Variants in TLL1 observed in about 807,000 individuals in gnomAD.
The protein encoded by TLL1 is tolloid like 1.
TLL1 carries 49 observed loss-of-function variants against 128.2 expected under a neutral mutation model. That is an observed-to-expected ratio of 0.38 (90% confidence interval 0.30 to 0.48). TLL1 has a LOEUF of 0.48. TLL1 is among the 20% of genes least tolerant of loss of function. TLL1 has a pLI of 0.96. For synonymous variants in TLL1, 454 were observed against 418.8 expected, an observed-to-expected ratio of 1.08 and a Z score of -1.03; for missense variants, 1,123 against 1,242.0, an observed-to-expected ratio of 0.90 and a Z score of 1.44.
chr4:165,964,348 A>T (rs1735265370), intron 1 of TLL1, among the ~76,000 whole-genome samples: 1 of 152,240 alleles, frequency 6.6e-6, no homozygotes, highest in Non-Finnish European at 1.5e-5. Context: ...AGTTATGAGG[A>T]TAATTATGCA....
chr4:165,978,330 AAATT>A (rs1460547911), intron 1 of TLL1, among the ~76,000 whole-genome samples: 10 of 151,888 alleles, frequency 6.6e-5, no homozygotes, highest in African/African-American at 2.4e-4. Flanking sequence ...CTTAGTTATA[AAATT>A]AATTATAATT....
chr4:165,979,600 G>T (rs1736055807), intron 1 of TLL1, among the ~76,000 whole-genome samples: 1 of 151,982 alleles, frequency 6.6e-6, no homozygotes, highest in African/African-American at 2.4e-5. Context: ...CATAGATAAG[G>T]TAAGAACTAT....
At chr4:166,089,565 A>T (rs934994244) in intron 18 of TLL1, among the ~76,000 whole-genome samples, 1 of 152,114 alleles carries the variant, frequency 6.6e-6, no homozygotes, top group African/African-American at 2.4e-5. Flanking sequence ...CCTGCTTTGC[A>T]TGTTGTGCTT....
rs565768165 is a variant in TLL1, at chr4:166,052,824, A to G, written c.1525-2252A>G. Among the ~76,000 whole-genome samples the G allele has an allele frequency of 1.2e-3, 180 of 151,806 alleles. 1 individual carries two copies. The highest frequency in any genetic ancestry group is 0.01 in the Middle Eastern group (3 of 294). ...GTCATTTATTCTGTTATCAAACTCT[A>G]TAACTTGAAATCTGAGATATTATTT... On this transcript the variant is annotated intron_variant, in intron 12 of 20. Transcript: ENST00000061240.
intron 8 of TLL1, among the ~76,000 whole-genome samples, chr4:166,015,718 C>T (rs1737906504): frequency 6.6e-6 from 1 of 151,790 alleles, no homozygotes. Context: ...TGGAAACTTC[C>T]CAGGAAGTTC....
At chr4:165,928,667 A>C (rs1472975248) in intron 1 of TLL1, among the ~76,000 whole-genome samples, 2 of 152,188 alleles carry the variant, frequency 1.3e-5, no homozygotes. Flanking sequence ...AAACAATCTA[A>C]AACCAGGAAA....
chr4:165,889,998 T>G (rs1254296583), intron 1 of TLL1, among the ~76,000 whole-genome samples: 1 of 152,156 alleles, frequency 6.6e-6, no homozygotes, highest in Admixed American at 6.5e-5. Flanking sequence ...TCATTCAGTA[T>G]GGCTGGGGAG....
intron 1 of TLL1, among the ~76,000 whole-genome samples, chr4:165,973,588 C>T (rs1735729630): frequency 6.6e-6 from 1 of 151,248 alleles, no homozygotes. Context: ...AAGGGCAGAT[C>T]TTGAGGGGTG....
At chr4:166,062,612 T>C (rs1740374768) in intron 15 of TLL1, among the ~76,000 whole-genome samples, 1 of 152,188 alleles carries the variant, frequency 6.6e-6, no homozygotes, top group African/African-American at 2.4e-5. Context: ...CTTATGGAGA[T>C]TTTGGGCAGA....
intron 14 of TLL1, among the ~76,000 whole-genome samples, chr4:166,059,460 T>C (rs1740187904): frequency 6.6e-6 from 1 of 152,120 alleles, no homozygotes; most frequent in Admixed American, 6.6e-5. Context: ...ATTGGACTTT[T>C]TGGAATAACA....
intron 18 of TLL1, among the ~76,000 whole-genome samples, chr4:166,079,948 CT>C (rs1302938077): frequency 6.6e-6 from 1 of 152,104 alleles, no homozygotes; most frequent in Non-Finnish European, 1.5e-5. Flanking sequence ...CAAAAGCATT[CT>C]TTATCTCTAT....
chr4:165,954,316 T>A (rs1734672942), intron 1 of TLL1, among the ~76,000 whole-genome samples: 1 of 152,034 alleles, frequency 6.6e-6, no homozygotes, highest in African/African-American at 2.4e-5. Flanking sequence ...ATAAATACAC[T>A]TAGAAGGAAT....
intron 6 of TLL1, 42 bp downstream of exon 6, chr4:166,003,611 A>G (rs749519610): frequency 5.0e-6 from 8 of 1,592,078 alleles, no homozygotes; most frequent in Non-Finnish European, 3.4e-6. Context: ...CTGACTGGGT[A>G]TCTTTGAATT....
intron 1 of TLL1, among the ~76,000 whole-genome samples, chr4:165,896,334 G>C (rs1214125482): frequency 6.6e-6 from 1 of 152,056 alleles, no homozygotes; most frequent in Non-Finnish European, 1.5e-5. Context: ...GTTGATCATT[G>C]ATGGGCATTT....
At chr4:166,100,605 T>TAC in intron 20 of TLL1, 137 bp from the exon 21 acceptor site, 1 of 1,160,132 alleles carries the variant, frequency 8.6e-7, no homozygotes, top group Non-Finnish European at 1.3e-6. Context: ...AGAAGTTGAT[T>TAC]ACACCTACTC....
intron 8 of TLL1, among the ~76,000 whole-genome samples, chr4:166,016,100 G>C (rs1737930303): frequency 6.6e-6 from 1 of 151,806 alleles, no homozygotes; most frequent in South Asian, 2.1e-4. Context: ...ACTTCATGCT[G>C]TTTACTGAAG....
At position 166,099,450 on chromosome 4, in the gene TLL1, T is replaced by C. The variant is rs566963299; in HGVS notation, c.2830T>C (p.Cys944Arg). The change falls in exon 20 of 21, where the codon TGT becomes CGT. Residue 944 changes from cysteine (C) to arginine (R), a missense_variant. Cys to Arg is a radical substitution (Grantham distance 180). Around this residue, in one of 3 missense-constraint regions of TLL1, gnomAD observed 634 missense variants for 672.4 expected, o/e 0.94. Transcript: ENST00000061240. ...ATTTGAAGTGGAGGAAGAAGCAGAC[T>C]GTGGCTATGACTATGTGGAGCTCTT... is the stretch of plus-strand genomic sequence containing the variant. ...QTFEVEEEAD[C>R]GYDYVELFDG... 3 of 1,613,512 alleles carry C rather than the reference T, an allele frequency of 1.9e-6. No individual in the cohort carries two copies. The highest frequency in any genetic ancestry group is 2.7e-5 in the African/African-American group (2 of 74,984).
At chr4:165,902,888 G>T (rs550759916) in intron 1 of TLL1, among the ~76,000 whole-genome samples, 1 of 152,262 alleles carries the variant, frequency 6.6e-6, no homozygotes, top group African/African-American at 2.4e-5. Context: ...TCTAAAACTT[G>T]TTTAAGAAAA....
chr4:166,060,283 G>C, intron 15 of TLL1, 95 bp downstream of exon 15: 1 of 1,321,572 alleles, frequency 7.6e-7, no homozygotes, highest in South Asian at 1.3e-5. Flanking sequence ...TAGTAAAATA[G>C]TATAGACATT....
Sources: allele counts gnomAD v4.1 joint callset (sites outside exome capture counted in the v4.1 genomes callset), GRCh38; gene constraint gnomAD v4.1.1; regional missense constraint gnomAD v4.1.1; transcripts MANE v1.5; gene names NCBI Gene and HGNC (gene_info 2026-07-23, HGNC 2026-07-21).